RIMS2: variants seen among roughly 807,000 people sequenced by gnomAD.
RIMS2 encodes the protein regulating synaptic membrane exocytosis protein 2.
A neutral mutation model predicts 174.4 loss-of-function variants in RIMS2; 59 were observed. That is an observed-to-expected ratio of 0.34 (90% confidence interval 0.27 to 0.42). RIMS2 has a LOEUF of 0.42. Ranked by LOEUF, RIMS2 falls within the 10% of genes least tolerant of loss-of-function variation. RIMS2 has a pLI of 1.00. For missense variants in RIMS2, 1,620 were observed against 1,666.3 expected (o/e 0.97, Z 0.48); for synonymous variants, 606 against 572.5 (o/e 1.06, Z -0.84).
At chr8:104,148,169 CTTTTT>C (rs60928884) in intron 19 of RIMS2, among the ~76,000 whole-genome samples, 2 of 116,382 alleles carry the variant, frequency 1.7e-5, no homozygotes, top group Admixed American at 8.9e-5. Context: ...TATTATCAGC[CTTTTT>C]TTTTTTTTTT....
downstream of RIMS2, chr8:104,252,127 CT>C (rs1775600621): frequency 7.9e-6 from 3 of 381,432 alleles, no homozygotes; most frequent in South Asian, 1.1e-4. Flanking sequence ...AACAGAAGCC[CT>C]TTTCAATGGC....
At chr8:103,912,056 C>T in exon 6 of RIMS2, 2 of 1,580,866 alleles carry the variant, frequency 1.3e-6, no homozygotes, top group Non-Finnish European at 1.7e-6. Flanking sequence ...ATGTCAGCAC[C>T]CTGTAACCTG....
chr8:103,565,648 G>T (rs894271778), intron 1 of RIMS2, among the ~76,000 whole-genome samples: 2 of 152,178 alleles, frequency 1.3e-5, no homozygotes, highest in African/African-American at 4.8e-5. Context: ...AAAGGAGCAA[G>T]TTGAGAAGAA....
chr8:104,135,711 G>A (rs1241134307), intron 19 of RIMS2, among the ~76,000 whole-genome samples: 3 of 151,508 alleles, frequency 2.0e-5, no homozygotes, highest in African/African-American at 7.3e-5. Flanking sequence ...CCAGTTGGAT[G>A]TCTTATGAGG....
At chr8:103,608,465 C>T (rs1265795173) in intron 1 of RIMS2, among the ~76,000 whole-genome samples, 1 of 144,348 alleles carries the variant, frequency 6.9e-6, no homozygotes, top group African/African-American at 2.7e-5. Context: ...GCCCTGCCCC[C>T]AGAGGTGGAG....
chr8:104,239,458 C>T (rs1387081405), intron 19 of RIMS2, among the ~76,000 whole-genome samples: 2 of 152,086 alleles, frequency 1.3e-5, no homozygotes, highest in Non-Finnish European at 2.9e-5. Flanking sequence ...GATTTAAGGG[C>T]TCAACAACAA....
chr8:104,055,165 A>G (rs1388320639), intron 19 of RIMS2, among the ~76,000 whole-genome samples: 1 of 152,040 alleles, frequency 6.6e-6, no homozygotes, highest in Non-Finnish European at 1.5e-5. Context: ...TGTCTGCCTG[A>G]CATGGTGGGT....
intron 19 of RIMS2, among the ~76,000 whole-genome samples, chr8:104,233,654 C>G (rs1323104423): frequency 6.6e-6 from 1 of 152,158 alleles, no homozygotes; most frequent in East Asian, 1.9e-4. Flanking sequence ...CTGCTTCTTT[C>G]TAGTACAGGT....
chr8:103,756,725 G>C (rs1368623278), intron 2 of RIMS2, among the ~76,000 whole-genome samples: 3 of 151,936 alleles, frequency 2.0e-5, no homozygotes, highest in Admixed American at 6.6e-5. Context: ...TGCCCAGCCT[G>C]TTATTTTTCT....
At chr8:103,740,062 G>T (rs2097743415) in intron 2 of RIMS2, among the ~76,000 whole-genome samples, 1 of 152,140 alleles carries the variant, frequency 6.6e-6, no homozygotes, top group Non-Finnish European at 1.5e-5. Flanking sequence ...TTAATTTAGA[G>T]TGGACGGGAA....
chr8:103,561,561 C>A (rs75686122), intron 1 of RIMS2, among the ~76,000 whole-genome samples: 9,954 of 152,116 alleles, frequency 0.065, 403 homozygotes, highest in South Asian at 0.088. Flanking sequence ...TTAAAAAAAA[C>A]CCCCAAACCA....
chr8:104,131,095 A>G (rs1040519548), intron 19 of RIMS2, among the ~76,000 whole-genome samples: 3 of 152,222 alleles, frequency 2.0e-5, no homozygotes, highest in African/African-American at 7.2e-5. Context: ...AAATATTACT[A>G]TAAACATATC....
At chr8:103,851,771 G>A (rs1007077044) in intron 3 of RIMS2, among the ~76,000 whole-genome samples, 2 of 151,666 alleles carry the variant, frequency 1.3e-5, no homozygotes, top group Non-Finnish European at 2.9e-5. Flanking sequence ...TATGTGCACT[G>A]ATAAGCAAAA....
intron 1 of RIMS2, among the ~76,000 whole-genome samples, chr8:103,528,237 TG>T (rs1216332540): frequency 1.3e-5 from 2 of 152,072 alleles, no homozygotes; most frequent in African/African-American, 2.4e-5. Flanking sequence ...TCAATGGGGT[TG>T]TTTTTTTTTT....
Position 103,755,752 on chromosome 8 carries a change from C to T in RIMS2, c.388-10475C>T, listed in dbSNP as rs562225112. On this transcript the variant is annotated intron_variant, in intron 2 of 23. Coordinates refer to ENST00000504942, the Ensembl canonical transcript of RIMS2. ...ACTTGTGTATGCTTCACAAGGTTCT[C>T]GTGATGTGTTTTTCAGCTCTATCAG... Among the ~76,000 whole-genome samples, 5 of 152,210 alleles carry T rather than the reference C, an allele frequency of 3.3e-5. No homozygotes were observed. In the South Asian group the frequency reaches 8.3e-4, roughly 25 times the overall value.
intron 1 of RIMS2, among the ~76,000 whole-genome samples, chr8:103,601,562 T>C (rs889826411): frequency 6.6e-6 from 1 of 152,128 alleles, no homozygotes; most frequent in African/African-American, 2.4e-5. Flanking sequence ...TGCATATATA[T>C]AGGTGAAGTG....
At chr8:103,778,849 AC>A (rs1363735776) in intron 3 of RIMS2, among the ~76,000 whole-genome samples, 2 of 152,128 alleles carry the variant, frequency 1.3e-5, no homozygotes, top group Admixed American at 6.6e-5. Context: ...TAGTGGCTAT[AC>A]TAATTTATGT....
intron 3 of RIMS2, among the ~76,000 whole-genome samples, chr8:103,770,229 G>A (rs921252110): frequency 2.0e-5 from 3 of 152,170 alleles, no homozygotes; most frequent in Non-Finnish European, 4.4e-5. Flanking sequence ...TATGGCTGCT[G>A]TCAGCTACAA....
intron 19 of RIMS2, among the ~76,000 whole-genome samples, chr8:104,060,033 T>G (rs528201331): frequency 0.014 from 2,099 of 152,034 alleles, 58 homozygotes; most frequent in African/African-American, 0.049. Flanking sequence ...AAAATTCTCT[T>G]TTTTGGTTGT....
Sources: allele counts gnomAD v4.1 joint callset (sites outside exome capture counted in the v4.1 genomes callset), GRCh38; gene constraint gnomAD v4.1.1; transcripts MANE v1.5; gene names NCBI Gene and HGNC (gene_info 2026-07-23, HGNC 2026-07-21).